The following ZFYVE16 variants were observed in gnomAD, a reference collection of about 807,000 sequenced individuals.
ZFYVE16 encodes zinc finger FYVE-type containing 16, also known as zinc finger FYVE domain-containing protein 16.
ZFYVE16 carries 89 observed loss-of-function variants against 138.1 expected under a neutral mutation model. The ratio of observed to expected loss-of-function variants is 0.64; its 90% CI spans 0.54 to 0.77. The LOEUF is 0.77. Ranked by LOEUF, ZFYVE16 falls within the 30% of genes least tolerant of loss-of-function variation. ZFYVE16 has a pLI of 0.00. For synonymous variants in ZFYVE16, 596 were observed against 618.3 expected (o/e 0.96, Z 0.53); for missense variants, 1,793 against 1,786.7 (o/e 1.00, Z -0.06).
rs557962120 is a variant in ZFYVE16, at chr5:80,478,996, A to G, written c.*1619A>G. 6 of 152,308 alleles carry G rather than the reference A, an allele frequency of 3.9e-5. No homozygotes were observed. In the South Asian group the frequency reaches 1.2e-3, roughly 32 times the overall value. 9.4% of individuals were successfully genotyped at this position (152,308 alleles called of 1,614,324 possible). On this transcript the variant is annotated 3_prime_UTR_variant, in exon 19 of 19. Transcript: ENST00000505560. ...CTAAATATAGTGTATGTATTCTGCC[A>G]TGTAAGTAATTGAACAGTCTTAAAA...
chr5:80,465,400 G>GTTT (rs3072097), intron 15 of ZFYVE16, among the ~76,000 whole-genome samples: 358 of 26,768 alleles, frequency 0.013, 61 homozygotes, highest in Middle Eastern at 0.05. Flanking sequence ...CCTTTTCTTT[G>GTTT]TTTTTTTTTT....
chr5:80,436,474 G>C (rs1206389668), intron 3 of ZFYVE16, among the ~76,000 whole-genome samples: 1 of 152,060 alleles, frequency 6.6e-6, no homozygotes, highest in Non-Finnish European at 1.5e-5. Context: ...TAAGCAATAG[G>C]GGTGTAAGTC....
chr5:80,471,217 A>G (rs1245723106), intron 15 of ZFYVE16, among the ~76,000 whole-genome samples: 4 of 152,094 alleles, frequency 2.6e-5, no homozygotes, highest in Admixed American at 6.6e-5. Context: ...GGGTTAAGGC[A>G]TACTCCCTTC....
chr5:80,430,870 C>T (rs1036931498), intron 2 of ZFYVE16, among the ~76,000 whole-genome samples: 3 of 152,070 alleles, frequency 2.0e-5, no homozygotes, highest in Admixed American at 1.3e-4. Flanking sequence ...ACATATACAC[C>T]CTCCCAGGAC....
At chr5:80,458,580 T>C (rs949378218) in intron 14 of ZFYVE16, among the ~76,000 whole-genome samples, 17 of 152,326 alleles carry the variant, frequency 1.1e-4, no homozygotes, top group Middle Eastern at 3.4e-3. Context: ...AACTTTACAT[T>C]TTATATGTTG....
At chr5:80,422,527 T>A (rs1038963000) in intron 1 of ZFYVE16, among the ~76,000 whole-genome samples, 10 of 152,262 alleles carry the variant, frequency 6.6e-5, no homozygotes, top group African/African-American at 2.2e-4. Context: ...TGATCTCGGG[T>A]CACTGCAACC....
chr5:80,413,889 T>C (rs554455156), intron 1 of ZFYVE16, among the ~76,000 whole-genome samples: 15 of 152,318 alleles, frequency 9.8e-5, no homozygotes, highest in African/African-American at 3.4e-4. Flanking sequence ...CATTTCCTAT[T>C]ACAGAAGATG....
intron 16 of ZFYVE16, among the ~76,000 whole-genome samples, chr5:80,473,505 G>T (rs2112553268): frequency 6.6e-6 from 1 of 152,110 alleles, no homozygotes; most frequent in Middle Eastern, 3.4e-3. Flanking sequence ...ACTATCTAAG[G>T]TATTTTAAAC....
upstream of ZFYVE16, among the ~76,000 whole-genome samples, chr5:80,407,852 G>A (rs1461648326): frequency 6.6e-6 from 1 of 152,234 alleles, no homozygotes; most frequent in Admixed American, 6.5e-5. Context: ...AGGCGTCCCC[G>A]TCACCCAACA....
At chr5:80,447,225 C>G (rs1320782245) in intron 7 of ZFYVE16, among the ~76,000 whole-genome samples, 2 of 140,854 alleles carry the variant, frequency 1.4e-5, no homozygotes, top group Non-Finnish European at 3.0e-5. Context: ...CAGGATTGCG[C>G]CAATGTACTG....
In ZFYVE16 at chr5:80,430,942, A is replaced by G. The variant is rs1227677693; in HGVS notation, c.-39-3167A>G. 2.0e-5 allele frequency among the ~76,000 whole-genome samples: 3 copies of G among 152,214 alleles called. No individual in the cohort carries two copies. In the South Asian group the frequency reaches 6.2e-4, roughly 31 times the overall value. ...TAACAGGCTCTGAAATTGAGGCAAT[A>G]ATTAATAGCTTACCAATCAAAAAAG... On this transcript the variant is annotated intron_variant, in intron 2 of 18. Transcript: ENST00000505560.
intron 11 of ZFYVE16, among the ~76,000 whole-genome samples, chr5:80,452,827 C>T (rs899258098): frequency 5.3e-5 from 8 of 152,136 alleles, no homozygotes; most frequent in South Asian, 4.1e-4. Flanking sequence ...TGTGTATGTA[C>T]GTGTGTGTAT....
chr5:80,440,936 T>C (rs907785184), intron 5 of ZFYVE16: 14 of 985,308 alleles, frequency 1.4e-5, no homozygotes, highest in Non-Finnish European at 1.7e-5. Flanking sequence ...AAAGCTCTGA[T>C]GTGAGTCTGT....
intron 2 of ZFYVE16, among the ~76,000 whole-genome samples, chr5:80,430,353 G>A (rs1428207881): frequency 1.3e-5 from 2 of 151,418 alleles, no homozygotes; most frequent in African/African-American, 2.4e-5. Flanking sequence ...GGTACGTAAC[G>A]AAATGAAGGC....
chr5:80,428,913 A>G (rs1434927966), intron 2 of ZFYVE16, among the ~76,000 whole-genome samples: 1 of 152,212 alleles, frequency 6.6e-6, no homozygotes, highest in Non-Finnish European at 1.5e-5. Context: ...AGAAAAAAGA[A>G]TAAAAAGAAA....
chr5:80,435,420 C>A (rs893907981), intron 3 of ZFYVE16, among the ~76,000 whole-genome samples: 3 of 152,224 alleles, frequency 2.0e-5, no homozygotes, highest in Non-Finnish European at 4.4e-5. Context: ...CCGCCTGTCT[C>A]AGCCTCCCAA....
intron 15 of ZFYVE16, among the ~76,000 whole-genome samples, chr5:80,472,221 C>CT (rs375823583): frequency 8.0e-4 from 121 of 152,004 alleles, no homozygotes; most frequent in African/African-American, 2.9e-3. Context: ...TCACCAAACT[C>CT]TTTATCTCTT....
chr5:80,417,965 A>G (rs934777686), intron 1 of ZFYVE16, among the ~76,000 whole-genome samples: 1 of 152,194 alleles, frequency 6.6e-6, no homozygotes, highest in Non-Finnish European at 1.5e-5. Context: ...CTTGTTTGGC[A>G]TTGTCACAGT....
At chr5:80,440,528 A>T in intron 5 of ZFYVE16, 2 of 985,086 alleles carry the variant, frequency 2.0e-6, no homozygotes, top group Non-Finnish European at 2.4e-6. Flanking sequence ...CTATTTGCAC[A>T]TTTTTGTCTC....
Sources: allele counts gnomAD v4.1 joint callset (sites outside exome capture counted in the v4.1 genomes callset), GRCh38; gene constraint gnomAD v4.1.1; transcripts MANE v1.5; gene names NCBI Gene and HGNC (gene_info 2026-07-23, HGNC 2026-07-21).